CFAP43: variants seen among roughly 807,000 people sequenced by gnomAD.
CFAP43 encodes the protein cilia and flagella associated protein 43, also known as cilia- and flagella-associated protein 43.
A neutral mutation model predicts 218.9 loss-of-function variants in CFAP43; 155 were observed. The observed-to-expected ratio is 0.71, with a 90% CI of 0.62 to 0.81. CFAP43 has a LOEUF of 0.81. Among genes scored for constraint, CFAP43 ranks in the 30% least tolerant of loss-of-function variants. The pLI, the probability that CFAP43 is intolerant of heterozygous loss-of-function variation, is 0.00. For synonymous variants in CFAP43, 645 were observed against 681.3 expected (o/e 0.95, Z 0.83); for missense variants, 1,778 against 1,954.3 (o/e 0.91, Z 1.70).
chr10:104,167,548 T>G, intron 22 of CFAP43, 73 bp downstream of exon 22: 2 of 1,198,244 alleles, frequency 1.7e-6, no homozygotes, highest in Non-Finnish European at 2.3e-6. Context: ...ACATCCCAAC[T>G]CAAACCTGAA....
intron 3 of CFAP43, among the ~76,000 whole-genome samples, chr10:104,218,164 CG>C (rs1468791449): frequency 2.0e-5 from 3 of 151,534 alleles, no homozygotes; most frequent in African/African-American, 7.3e-5. Flanking sequence ...CTGGCTAACA[CG>C]GTGAAACCCC....
intron 6 of CFAP43, among the ~76,000 whole-genome samples, chr10:104,207,269 G>T (rs551401632): frequency 1.3e-5 from 2 of 152,254 alleles, no homozygotes; most frequent in Non-Finnish European, 2.9e-5. Flanking sequence ...TGGAGAAAAG[G>T]GTTGGGGTGG....
At chr10:104,133,874 C>G (rs757337093) in intron 34 of CFAP43, 90 bp from the exon 35 acceptor site, 37 of 1,208,612 alleles carry the variant, frequency 3.1e-5, no homozygotes, top group Non-Finnish European at 4.2e-5. Context: ...TTAGAAAATA[C>G]TTGGGTCACA....
At chr10:104,179,178 AGAG>A in intron 18 of CFAP43, 72 bp from the exon 19 acceptor site, 1 of 1,216,798 alleles carries the variant, frequency 8.2e-7, no homozygotes, top group South Asian at 1.4e-5. Context: ...AGAGAGAGAG[AGAG>A]CAATTCTCTA....
Position 104,187,312 on chromosome 10 carries a change from T to C in CFAP43, c.1860+8A>G. On this transcript the variant is annotated splice_region_variant and intron_variant, in intron 14 of 37. Transcript: ENST00000357060. Reference sequence around the variant, plus strand: ...GATAAATGAGAGCACACTTAAGTGTTGACATACTTCTTCAGGAAGAAGGTA... The same window carrying C: ...GATAAATGAGAGCACACTTAAGTGTCGACATACTTCTTCAGGAAGAAGGTA... 1 of 1,593,176 alleles carries C rather than the reference T, an allele frequency of 6.3e-7. No homozygotes were observed. Among genetic ancestry groups the C allele is most frequent in the Non-Finnish European group, 8.5e-7 (1 of 1,173,076 alleles).
chr10:104,183,118 T>C (rs1031281368), intron 16 of CFAP43, among the ~76,000 whole-genome samples: 10 of 152,080 alleles, frequency 6.6e-5, no homozygotes, highest in African/African-American at 2.2e-4. Context: ...CCACCCTGCA[T>C]TGAGAGTGGT....
At chr10:104,211,861 A>T in intron 5 of CFAP43, 146 bp downstream of exon 5, 1 of 881,030 alleles carries the variant, frequency 1.1e-6, no homozygotes, top group Non-Finnish European at 1.6e-6. Context: ...TTCATCTCTC[A>T]CAGTCTCTGT....
At position 104,163,150 on chromosome 10, in the gene CFAP43, G is replaced by A. The variant is rs561219965; in HGVS notation, c.3247-747C>T. 1.1e-4 allele frequency among the ~76,000 whole-genome samples: 16 copies of A among 152,296 alleles called. No individual in the cohort carries two copies. In the South Asian group the frequency reaches 3.3e-3, roughly 32 times the overall value. On this transcript the variant is annotated intron_variant, in intron 24 of 37. Coordinates refer to ENST00000357060, the MANE Select transcript of CFAP43 (RefSeq NM_025145.7). Reference sequence around the variant, plus strand: ...AGAGGATGAACTCTAAGGCATGATGGTTTGGGTCCAAAGCCCCAACAATGA... The same window carrying A: ...AGAGGATGAACTCTAAGGCATGATGATTTGGGTCCAAAGCCCCAACAATGA...
chr10:104,218,914 C>T (rs373606597), intron 3 of CFAP43: 9 of 472,154 alleles, frequency 1.9e-5, no homozygotes, highest in African/African-American at 8.0e-5. Flanking sequence ...ACGCTGACCC[C>T]GAGGAGCCAC....
intron 37 of CFAP43, among the ~76,000 whole-genome samples, chr10:104,131,021 A>AG (rs71022717): frequency 2.0e-5 from 3 of 149,342 alleles, no homozygotes; most frequent in African/African-American, 7.4e-5. Context: ...AAAAAAAAAA[A>AG]GAAAAGAAAC....
intron 6 of CFAP43, 52 bp from the exon 7 acceptor site, chr10:104,206,082 T>C: frequency 7.2e-7 from 1 of 1,394,318 alleles, no homozygotes. Flanking sequence ...AAAAGTACAA[T>C]GTAACAATGA....
chr10:104,225,429 T>G lies in CFAP43; in HGVS notation c.416+32A>C, dbSNP rs757273814. 3 of 1,509,384 alleles carry G rather than the reference T, an allele frequency of 2.0e-6. No individual in the cohort carries two copies. The Admixed American group carries it at 5.3e-5, about 27-fold the overall frequency. 93.5% of individuals were successfully genotyped at this position (1,509,384 alleles called of 1,614,324 possible). A position where few individuals can be genotyped will look rare whatever the true frequency, so the allele number is the denominator to read the frequency against. ...AGAGTAAGAGGAAAATGTAACCCAGTAAAAGGAATTCCACAGGATGCTGAA... is the reference window on the plus strand; with the variant it reads ...AGAGTAAGAGGAAAATGTAACCCAGGAAAAGGAATTCCACAGGATGCTGAA... On this transcript the variant is annotated intron_variant, in intron 3 of 37. Coordinates refer to ENST00000357060, the MANE Select transcript of CFAP43 (RefSeq NM_025145.7).
intron 24 of CFAP43, among the ~76,000 whole-genome samples, 194 bp downstream of exon 24, chr10:104,163,900 A>C (rs1320773822): frequency 6.6e-6 from 1 of 152,178 alleles, no homozygotes; most frequent in Non-Finnish European, 1.5e-5. Context: ...CAGTGTCCAA[A>C]TCTTCCCTGG....
intron 5 of CFAP43, among the ~76,000 whole-genome samples, chr10:104,208,103 C>A (rs952612890): frequency 2.6e-5 from 4 of 152,158 alleles, no homozygotes; most frequent in African/African-American, 9.7e-5. Context: ...GGCAAACCAC[C>A]TTTCCCACTC....
chr10:104,192,169 T>C, intron 12 of CFAP43, 30 bp downstream of exon 12: 1 of 1,476,702 alleles, frequency 6.8e-7, no homozygotes, highest in Non-Finnish European at 9.3e-7. Flanking sequence ...ATAATCAATA[T>C]TTTAAATTAA....
In CFAP43 at chr10:104,162,349, T is replaced by C. The variant is rs1293156737; in HGVS notation, c.3301A>G (p.Asn1101Asp). ...AGAAGCCAGTGCTCCTTTTCATGAT[T>C]CACGATCAATTCTTTGGCTTTGTGC... ...PWHKAKELIVNHEKEHWLLIQ... is the reference protein window; with the variant it reads ...PWHKAKELIVDHEKEHWLLIQ... The change falls in exon 25 of 38, where the codon AAT (asparagine) becomes GAT (aspartate). Residue 1101 changes from asparagine (N) to aspartate (D), a missense_variant. By Grantham distance (23) the Asn-to-Asp change is conservative. Around this residue, in one of 3 missense-constraint regions of CFAP43, gnomAD observed 1,553 missense variants for 1,685.2 expected, o/e 0.92. Coordinates refer to ENST00000357060, the MANE Select transcript of CFAP43 (RefSeq NM_025145.7). 6.2e-7 allele frequency: 1 copy of C among 1,614,098 alleles called. No individual in the cohort carries two copies. Among genetic ancestry groups the C allele is most frequent in the Admixed American group, 1.7e-5 (1 of 60,006 alleles).
intron 19 of CFAP43, among the ~76,000 whole-genome samples, 153 bp from the exon 20 acceptor site, chr10:104,172,688 T>C (rs2089460119): frequency 6.6e-6 from 1 of 152,206 alleles, no homozygotes; most frequent in South Asian, 2.1e-4. Context: ...TATGGGCTTA[T>C]TGTGGTTATT....
intron 31 of CFAP43, among the ~76,000 whole-genome samples, chr10:104,144,334 C>G (rs1459548318): frequency 6.6e-6 from 1 of 152,158 alleles, no homozygotes; most frequent in Non-Finnish European, 1.5e-5. Context: ...TGTAATTGGG[C>G]TAATTATCAC....
intron 19 of CFAP43, among the ~76,000 whole-genome samples, chr10:104,175,211 G>A (rs986045770): frequency 6.6e-6 from 1 of 152,148 alleles, no homozygotes; most frequent in Non-Finnish European, 1.5e-5. Flanking sequence ...AAGGCAGAAG[G>A]CTAGGAATTC....
Sources: gnomAD v4.1 joint callset for allele counts (sites outside exome capture counted in the v4.1 genomes callset) on GRCh38, gnomAD v4.1.1 for gene constraint, gnomAD v4.1.1 regional missense constraint, MANE v1.5 for transcripts, NCBI Gene and HGNC (gene_info 2026-07-23, HGNC 2026-07-21) for gene names.